C2orf92: variants seen among roughly 807,000 people sequenced by gnomAD.
The protein encoded by C2orf92 is uncharacterized protein C2orf92.
chr2:97,670,715 A>C (rs1030000657), intron 1 of C2orf92: 1 of 151,886 alleles, frequency 6.6e-6, no homozygotes, highest in Admixed American at 6.6e-5. Flanking sequence ...GGCATGTACC[A>C]CCACACCCAG....
upstream of C2orf92, chr2:97,663,955 G>GGAGGACC: frequency 1.2e-6 from 1 of 858,982 alleles, no homozygotes; most frequent in Non-Finnish European, 1.6e-6. Flanking sequence ...GCGGGCGGGC[G>GGAGGACC]GGAGGACCGG....
At chr2:97,666,580 T>C (rs1217290528), upstream of C2orf92, among the ~76,000 whole-genome samples, 2 of 146,810 alleles carry the variant, frequency 1.4e-5, no homozygotes, top group East Asian at 2.0e-4. Context: ...CGGTAGCTCA[T>C]GCGTGTAATC....
chr2:97,696,533 C>T (rs1304664197), intron 5 of C2orf92, among the ~76,000 whole-genome samples: 4 of 152,152 alleles, frequency 2.6e-5, no homozygotes, highest in Non-Finnish European at 1.5e-5. Context: ...GTCAGGAGTT[C>T]GAGATTAGCC....
chr2:97,691,554 CTTAAAAGAT>C (rs1442693794), intron 5 of C2orf92, among the ~76,000 whole-genome samples: 2 of 152,116 alleles, frequency 1.3e-5, no homozygotes, highest in African/African-American at 4.8e-5. Context: ...CCTAGAAAGA[CTTAAAAGAT>C]TTAAAAGAAA....
rs998302337 is a variant in C2orf92, at chr2:97,675,990, G to GA, written c.232+62_232+63insA. 8 of 398,826 alleles carry GA rather than the reference G, an allele frequency of 2.0e-5. No individual in the cohort carries two copies. In the Admixed American group the frequency reaches 2.6e-4, roughly 13 times the overall value. The allele number at this position is 398,826 out of a possible 1,614,324, so 24.7% of individuals were successfully genotyped here. A position where few individuals can be genotyped will look rare whatever the true frequency, so the allele number is the denominator to read the frequency against. ...TTTGAAGAGTTGCATGCTTGTCCCT[G>GA]GTTGTCTCTCAAGTAGCCTGTTCCT... On this transcript the variant is annotated intron_variant, in intron 3 of 7. Coordinates refer to ENST00000627399, the MANE Select transcript of C2orf92 (RefSeq NM_001351368.2).
At chr2:97,668,672 G>C (rs1675310554), upstream of C2orf92, 1 of 152,120 alleles carries the variant, frequency 6.6e-6, no homozygotes, top group African/African-American at 2.4e-5. Context: ...TTTCTTTTTT[G>C]AGACAGAGTC....
At chr2:97,693,486 T>G (rs1676206085) in intron 5 of C2orf92, among the ~76,000 whole-genome samples, 1 of 152,268 alleles carries the variant, frequency 6.6e-6, no homozygotes, top group Admixed American at 6.5e-5. Flanking sequence ...TGTTAACATT[T>G]GTTATTACAT....
intron 2 of C2orf92, chr2:97,675,547 AGG>A (rs1675545910): frequency 3.4e-6 from 1 of 298,236 alleles, no homozygotes; most frequent in African/African-American, 2.2e-5. Flanking sequence ...TACACCATGT[AGG>A]CCTTTCTACC....
chr2:97,690,671 G>A (rs1157228899), intron 5 of C2orf92, among the ~76,000 whole-genome samples: 2 of 151,732 alleles, frequency 1.3e-5, no homozygotes, highest in Admixed American at 6.6e-5. Flanking sequence ...GTGAGCCACC[G>A]GGCCTGGCCC....
Position 97,702,967 on chromosome 2 carries a change from T to C in C2orf92, c.*166T>C, listed in dbSNP as rs764313997. 20 of 394,114 alleles carry C rather than the reference T, an allele frequency of 5.1e-5. No homozygotes were observed. The highest frequency in any genetic ancestry group is 7.6e-5 in the Non-Finnish European group (17 of 223,806). The allele number at this position is 394,114 out of a possible 1,614,324, so 24.4% of individuals were successfully genotyped here. On this transcript the variant is annotated 3_prime_UTR_variant, in exon 8 of 8. Coordinates refer to ENST00000627399, the MANE Select transcript of C2orf92 (RefSeq NM_001351368.2). The stretch of plus-strand genomic sequence containing the variant: ...TGGACCAAGAAAAACTGCTTTACCA[T>C]AGGACACTTGTGGCAATATGGCACC...
chr2:97,669,342 C>G (rs537622019), upstream of C2orf92: 2 of 151,980 alleles, frequency 1.3e-5, no homozygotes, highest in Non-Finnish European at 2.9e-5. Flanking sequence ...TCAGGTGATC[C>G]GCCTGCCTCA....
chr2:97,665,140 C>T (rs192237681), upstream of C2orf92, among the ~76,000 whole-genome samples: 8 of 152,294 alleles, frequency 5.3e-5, no homozygotes, highest in African/African-American at 1.2e-4. Context: ...TAGCCCCCTG[C>T]GGCACTGGAG....
rs1675702508 is a variant in C2orf92 at position 97,679,782 on chromosome 2, A to C, written c.232+3854A>C. Among the ~76,000 whole-genome samples, 4 of 149,676 alleles carry C rather than the reference A, an allele frequency of 2.7e-5. No individual in the cohort carries two copies. In the Admixed American group the frequency reaches 2.7e-4, roughly 10 times the overall value. On this transcript the variant is annotated intron_variant, in intron 3 of 7. Transcript: ENST00000627399. ...AACCCAGGAGGCGGAGGTTGCCGTG[A>C]GCCAAGATCACGCCATTGCACTCCA...
intron 5 of C2orf92, among the ~76,000 whole-genome samples, chr2:97,695,338 T>C (rs1676274205): frequency 6.6e-6 from 1 of 152,244 alleles, no homozygotes; most frequent in Non-Finnish European, 1.5e-5. Context: ...TTTTTGTTTA[T>C]GGTGTTGGAT....
At chr2:97,682,902 A>G (rs930296631) in intron 3 of C2orf92, among the ~76,000 whole-genome samples, 1 of 152,206 alleles carries the variant, frequency 6.6e-6, no homozygotes, top group Non-Finnish European at 1.5e-5. Flanking sequence ...CTCAAAGATC[A>G]GGAACAAGGC....
intron 6 of C2orf92, among the ~76,000 whole-genome samples, chr2:97,700,541 T>C (rs1676458719): frequency 6.6e-6 from 1 of 152,122 alleles, no homozygotes; most frequent in Non-Finnish European, 1.5e-5. Flanking sequence ...ACAAATTGTC[T>C]GTGGAACTTT....
intron 6 of C2orf92, among the ~76,000 whole-genome samples, chr2:97,700,202 C>T (rs1676446099): frequency 6.6e-6 from 1 of 152,130 alleles, no homozygotes; most frequent in East Asian, 1.9e-4. Flanking sequence ...AGTGGTATTC[C>T]GTCCACTCTC....
chr2:97,678,064 G>A (rs999047589), intron 3 of C2orf92, among the ~76,000 whole-genome samples: 3 of 151,998 alleles, frequency 2.0e-5, no homozygotes, highest in African/African-American at 7.2e-5. Flanking sequence ...GCAGGGCGTG[G>A]TGGTGGGTGC....
chr2:97,674,491 T>C lies in C2orf92; in HGVS notation c.82T>C (p.Tyr28His). The C allele has an allele frequency of 2.5e-6, 1 of 398,634 alleles. No individual in the cohort carries two copies. The highest frequency in any genetic ancestry group is 4.4e-6 in the Non-Finnish European group (1 of 226,054). The allele number at this position is 398,634 out of a possible 1,614,324, so 24.7% of individuals were successfully genotyped here. The change falls in exon 2 of 8, where the codon TAT becomes CAT. Residue 28 changes from tyrosine to histidine, a missense_variant. By Grantham distance (83) the Tyr-to-His change is moderately conservative. Coordinates refer to ENST00000627399, the MANE Select transcript of C2orf92 (RefSeq NM_001351368.2). ...GCTCCAAGTGTTTTCCAAGGTTCCG[T>C]ATGACCCATCATTTGATGAAACAAG... ...IVLQVFSKVP[Y>H]DPSFDETRTA...
Sources: allele counts gnomAD v4.1 joint callset (sites outside exome capture counted in the v4.1 genomes callset), GRCh38; gene constraint gnomAD v4.1.1; transcripts MANE v1.5; gene names NCBI Gene and HGNC (gene_info 2026-07-23, HGNC 2026-07-21).